The following MARCHF1 variants were observed in gnomAD, a reference collection of about 807,000 sequenced individuals.
MARCHF1 encodes the protein membrane associated ring-CH-type finger 1.
A neutral mutation model predicts 54.2 loss-of-function variants in MARCHF1; 40 were observed. The ratio of observed to expected loss-of-function variants is 0.74; its 90% CI spans 0.57 to 0.96. The LOEUF is 0.96. Ranked by LOEUF, MARCHF1 falls within the 40% of genes least tolerant of loss-of-function variation. The pLI is 0.00. For missense variants in MARCHF1, 586 were observed against 656.5 expected (o/e 0.89, Z 1.17); for synonymous variants, 236 against 236.3 (o/e 1.00, Z 0.01).
At chr4:163,733,423 A>C (rs10001832) in intron 4 of MARCHF1, among the ~76,000 whole-genome samples, 4,629 of 146,660 alleles carry the variant, frequency 0.032, 153 homozygotes, top group African/African-American at 0.084. Flanking sequence ...GAAAAAAAAA[A>C]CCCAAAACTT....
intron 3 of MARCHF1, among the ~76,000 whole-genome samples, chr4:163,945,974 G>T (rs79098699): frequency 6.1e-5 from 9 of 148,744 alleles, no homozygotes; most frequent in Non-Finnish European, 1.3e-4. Context: ...ATCAAACCCA[G>T]CTTCTCAACC....
intron 3 of MARCHF1, among the ~76,000 whole-genome samples, chr4:163,937,532 C>T (rs1751824445): frequency 6.6e-6 from 1 of 151,686 alleles, no homozygotes; most frequent in South Asian, 2.1e-4. Flanking sequence ...ATATATAACA[C>T]ATGCATGCAT....
chr4:163,620,003 T>G (rs1741628436), intron 5 of MARCHF1, among the ~76,000 whole-genome samples: 1 of 152,154 alleles, frequency 6.6e-6, no homozygotes, highest in Non-Finnish European at 1.5e-5. Flanking sequence ...TAATGCCTCA[T>G]TTTATTGCAT....
Position 163,526,055 on chromosome 4 carries a change from C to T in MARCHF1, c.*2693G>A, listed in dbSNP as rs1004384736. The T allele has an allele frequency of 1.3e-5, 2 of 152,062 alleles. No individual in the cohort carries two copies. The highest frequency in any genetic ancestry group is 2.9e-5 in the Non-Finnish European group (2 of 67,982). 9.4% of individuals were successfully genotyped at this position (152,062 alleles called of 1,614,324 possible). ...AGCAAAATCAAGTGTTGACTTTTAA[C>T]CTGCCAGGAAGCTATATTATATTAT... On this transcript the variant is annotated 3_prime_UTR_variant, in exon 10 of 10. Coordinates refer to ENST00000514618, the MANE Select transcript of MARCHF1 (RefSeq NM_001394959.1).
chr4:164,237,704 C>T (rs559924454), intron 1 of MARCHF1, among the ~76,000 whole-genome samples: 100 of 152,030 alleles, frequency 6.6e-4, no homozygotes, highest in Admixed American at 9.2e-4. Flanking sequence ...TGCACTTAAA[C>T]GATCCCCCCA....
intron 3 of MARCHF1, among the ~76,000 whole-genome samples, chr4:163,968,886 C>A (rs551753675): frequency 6.6e-6 from 1 of 152,082 alleles, no homozygotes; most frequent in African/African-American, 2.4e-5. Context: ...TGTGTCTAGA[C>A]AAAGTGCATT....
chr4:164,105,835 A>G (rs576227758), intron 2 of MARCHF1, among the ~76,000 whole-genome samples: 2 of 140,222 alleles, frequency 1.4e-5, no homozygotes, highest in African/African-American at 5.7e-5. Flanking sequence ...GGTAACCTAC[A>G]ATATGGGAGA....
At chr4:163,965,999 T>C (rs904771320) in intron 3 of MARCHF1, among the ~76,000 whole-genome samples, 4 of 152,068 alleles carry the variant, frequency 2.6e-5, no homozygotes, top group Non-Finnish European at 5.9e-5. Flanking sequence ...AACATAAACA[T>C]TATAAAATTT....
intron 4 of MARCHF1, among the ~76,000 whole-genome samples, chr4:163,826,777 T>C (rs1352064646): frequency 1.3e-5 from 2 of 152,038 alleles, no homozygotes; most frequent in Non-Finnish European, 2.9e-5. Flanking sequence ...TACAAAGATA[T>C]AACATTTATG....
intron 5 of MARCHF1, among the ~76,000 whole-genome samples, chr4:163,648,342 A>C (rs948912346): frequency 2.0e-5 from 3 of 151,972 alleles, no homozygotes; most frequent in Non-Finnish European, 4.4e-5. Context: ...AATTAGTGAG[A>C]CTAATTTTGG....
At chr4:163,553,032 CA>C (rs778572383) in intron 8 of MARCHF1, among the ~76,000 whole-genome samples, 816 of 64,400 alleles carry the variant, frequency 0.013, 10 homozygotes, top group African/African-American at 0.034. Context: ...GACTCCGTCT[CA>C]AAAAAAAAAA....
chr4:163,723,393 G>T (rs1163589707), intron 4 of MARCHF1, among the ~76,000 whole-genome samples: 1 of 152,176 alleles, frequency 6.6e-6, no homozygotes, highest in Non-Finnish European at 1.5e-5. Context: ...TGAGAGATCA[G>T]CTGTTAGTCT....
intron 4 of MARCHF1, among the ~76,000 whole-genome samples, chr4:163,845,460 TACACACACACACACACACACACACAC>T (rs10611765): frequency 4.4e-5 from 6 of 137,600 alleles, no homozygotes; most frequent in African/African-American, 1.6e-4. Flanking sequence ...GCACCTCAGT[TACACACACACACACACACACACACAC>T]ACACACACAC....
At chr4:163,967,604 A>G (rs1284409115) in intron 3 of MARCHF1, among the ~76,000 whole-genome samples, 2 of 152,122 alleles carry the variant, frequency 1.3e-5, no homozygotes, top group East Asian at 3.9e-4. Flanking sequence ...TCATTCGTAG[A>G]CAGTTGATGG....
rs376591713 is a variant in MARCHF1, at chr4:163,767,091, G to C, written c.112-66228C>G. On this transcript the variant is annotated intron_variant, in intron 4 of 9. Coordinates refer to ENST00000514618, the MANE Select transcript of MARCHF1 (RefSeq NM_001394959.1). Reference sequence around the variant, plus strand: ...CTGTCTTTTTTTCAGATAAGGATACGGCGATGTAAAAAAAAAAAAAAAAAA... The same window carrying C: ...CTGTCTTTTTTTCAGATAAGGATACCGCGATGTAAAAAAAAAAAAAAAAAA... Among the ~76,000 whole-genome samples the C allele has an allele frequency of 3.5e-3, 419 of 120,272 alleles. 1 individual carries two copies. Among genetic ancestry groups the C allele is most frequent in the Admixed American group, 6.8e-3 (70 of 10,366 alleles). The allele number at this position is 120,272 out of a possible 152,430, so 78.9% of individuals were successfully genotyped here. A position where few individuals can be genotyped will look rare whatever the true frequency, so the allele number is the denominator to read the frequency against.
intron 4 of MARCHF1, among the ~76,000 whole-genome samples, chr4:163,822,012 A>G: frequency 6.6e-6 from 1 of 151,858 alleles, no homozygotes; most frequent in Non-Finnish European, 1.5e-5. Context: ...ATAAGACAAA[A>G]TTAATAAAAG....
chr4:164,374,657 T>C (rs1352797424), intron 1 of MARCHF1, among the ~76,000 whole-genome samples: 1 of 152,148 alleles, frequency 6.6e-6, no homozygotes, highest in Admixed American at 6.5e-5. Flanking sequence ...TTCTATATTA[T>C]ACTTGTCACT....
chr4:163,656,437 C>G (rs1743145320), intron 5 of MARCHF1, among the ~76,000 whole-genome samples: 1 of 151,928 alleles, frequency 6.6e-6, no homozygotes. Flanking sequence ...CAAAAAACCC[C>G]AGGACCAGAC....
chr4:164,057,395 AATTATTTTTCTAGACAC>A (rs1159499566), intron 2 of MARCHF1, among the ~76,000 whole-genome samples: 1 of 152,192 alleles, frequency 6.6e-6, no homozygotes, highest in Non-Finnish European at 1.5e-5. Context: ...ACACATACTT[AATTATTTTTCTAGACAC>A]ATTATTTCAT....
Sources: allele counts gnomAD v4.1 joint callset (sites outside exome capture counted in the v4.1 genomes callset), GRCh38; gene constraint gnomAD v4.1.1; transcripts MANE v1.5; gene names NCBI Gene and HGNC (gene_info 2026-07-23, HGNC 2026-07-21).